The following BEND6 variants were observed in gnomAD, a reference collection of about 807,000 sequenced individuals.
BEND6 encodes the protein BEN domain containing 6, also known as BEN domain-containing protein 6.
A neutral mutation model predicts 31.8 loss-of-function variants in BEND6; 24 were observed. The ratio of observed to expected loss-of-function variants is 0.75; its 90% CI spans 0.55 to 1.06. BEND6 has a LOEUF of 1.06. Among genes scored for constraint, BEND6 ranks in the 50% least tolerant of loss-of-function variants. The probability of loss-of-function intolerance (pLI) is 0.00; values close to 1 mark genes in which losing one functional copy is unlikely to be tolerated. For synonymous variants in BEND6, 109 were observed against 114.6 expected (o/e 0.95, Z 0.31); for missense variants, 294 against 327.4 (o/e 0.90, Z 0.79).
intron 1 of BEND6, among the ~76,000 whole-genome samples, chr6:56,969,360 A>G (rs1825607874): frequency 2.0e-5 from 3 of 152,184 alleles, no homozygotes; most frequent in Non-Finnish European, 2.9e-5. Flanking sequence ...CTATCTTGCT[A>G]TGCAGCTGGA....
intron 1 of BEND6, among the ~76,000 whole-genome samples, chr6:56,976,699 G>A (rs369504218): frequency 6.6e-6 from 1 of 152,094 alleles, no homozygotes; most frequent in East Asian, 1.9e-4. Context: ...TGAGTAGCTG[G>A]GATTACAGGT....
At chr6:56,986,271 A>G (rs1455655701) in intron 2 of BEND6, among the ~76,000 whole-genome samples, 3 of 152,060 alleles carry the variant, frequency 2.0e-5, no homozygotes, top group Non-Finnish European at 4.4e-5. Flanking sequence ...ATATCTGTAC[A>G]TTTATAAAAT....
chr6:57,007,370 G>A (rs995080732), intron 3 of BEND6, among the ~76,000 whole-genome samples: 2 of 150,874 alleles, frequency 1.3e-5, no homozygotes, highest in Non-Finnish European at 2.9e-5. Flanking sequence ...CTCGTCCTAT[G>A]CAAAAATCAA....
At chr6:56,986,330 C>T (rs1826271501) in intron 2 of BEND6, among the ~76,000 whole-genome samples, 2 of 152,108 alleles carry the variant, frequency 1.3e-5, no homozygotes, top group East Asian at 1.9e-4. Flanking sequence ...CCCAGCTACT[C>T]GGGAGGCTAA....
chr6:56,992,708 T>A (rs760345067), intron 3 of BEND6, among the ~76,000 whole-genome samples, 153 bp downstream of exon 3: 5 of 152,198 alleles, frequency 3.3e-5, no homozygotes, highest in African/African-American at 4.8e-5. Context: ...GATTATATAA[T>A]TTAAATACAA....
chr6:57,019,481 T>G (rs1827670274), intron 6 of BEND6, among the ~76,000 whole-genome samples: 1 of 152,204 alleles, frequency 6.6e-6, no homozygotes, highest in African/African-American at 2.4e-5. Flanking sequence ...TTGCCTGTCT[T>G]CTGCCTAATA....
intron 1 of BEND6, among the ~76,000 whole-genome samples, chr6:56,957,100 A>G (rs904105623): frequency 6.6e-6 from 1 of 152,194 alleles, no homozygotes; most frequent in African/African-American, 2.4e-5. Flanking sequence ...CCCAAACGCT[A>G]TATTTTTTTA....
At chr6:57,003,034 C>T (rs924032984) in intron 3 of BEND6, among the ~76,000 whole-genome samples, 2 of 152,074 alleles carry the variant, frequency 1.3e-5, no homozygotes, top group East Asian at 1.9e-4. Context: ...TTACAACTGA[C>T]GCCACAGAAA....
intron 3 of BEND6, among the ~76,000 whole-genome samples, chr6:56,997,932 C>G (rs958712257): frequency 2.6e-5 from 4 of 151,642 alleles, no homozygotes; most frequent in African/African-American, 9.7e-5. Context: ...ACTCAATGAA[C>G]AAAACAAAGA....
intron 1 of BEND6, among the ~76,000 whole-genome samples, chr6:56,961,604 C>A (rs945308145): frequency 1.3e-5 from 2 of 152,144 alleles, no homozygotes. Flanking sequence ...ATGGATAAGC[C>A]CATTCCAAGC....
intron 1 of BEND6, among the ~76,000 whole-genome samples, chr6:56,959,098 ATAAT>A (rs1423030393): frequency 6.6e-6 from 1 of 152,200 alleles, no homozygotes; most frequent in African/African-American, 2.4e-5. Flanking sequence ...AGGGAGAGAA[ATAAT>A]TAAAGAGAAG....
intron 1 of BEND6, among the ~76,000 whole-genome samples, chr6:56,963,856 G>GT (rs1220662672): frequency 6.8e-6 from 1 of 146,730 alleles, no homozygotes; most frequent in East Asian, 2.0e-4. Flanking sequence ...TACAATACTA[G>GT]TAGTGGTATA....
intron 1 of BEND6, among the ~76,000 whole-genome samples, chr6:56,975,082 A>AT (rs1403216187): frequency 6.6e-6 from 1 of 152,164 alleles, no homozygotes; most frequent in Non-Finnish European, 1.5e-5. Context: ...GAGCCATTGC[A>AT]TTCCAGCCTG....
intron 3 of BEND6, among the ~76,000 whole-genome samples, chr6:56,997,128 C>G (rs929991856): frequency 6.6e-6 from 1 of 152,196 alleles, no homozygotes; most frequent in African/African-American, 2.4e-5. Flanking sequence ...TCCAGACACA[C>G]TGGACCACTT....
In BEND6 at chr6:56,955,190, C is replaced by G. The variant is rs1002935880; in HGVS notation, c.-371C>G. 6.6e-6 allele frequency: 1 copy of G among 151,414 alleles called. No individual in the cohort carries two copies. The highest frequency in any genetic ancestry group is 1.5e-5 in the Non-Finnish European group (1 of 67,786). 9.4% of individuals were successfully genotyped at this position (151,414 alleles called of 1,614,324 possible). On this transcript the variant is annotated 5_prime_UTR_variant, in exon 1 of 7. Transcript: ENST00000370746. The stretch of plus-strand genomic sequence containing the variant: ...CGGCGTCCGCGGGCTGCACCCGGGC[C>G]TGAGAGCCCAGCGCCCTCCCGCGGG...
intron 1 of BEND6, among the ~76,000 whole-genome samples, chr6:56,963,796 ATAAAT>A (rs911706335): frequency 2.0e-5 from 3 of 147,962 alleles, no homozygotes; most frequent in Non-Finnish European, 4.5e-5. Context: ...ATTACTATTA[ATAAAT>A]TAATATAATT....
chr6:56,989,476 G>C (rs1461051538), intron 2 of BEND6, among the ~76,000 whole-genome samples: 1 of 152,114 alleles, frequency 6.6e-6, no homozygotes, highest in African/African-American at 2.4e-5. Flanking sequence ...TATAGACCTA[G>C]AAATCAATTG....
At chr6:56,978,954 C>T (rs1232184087) in intron 1 of BEND6, among the ~76,000 whole-genome samples, 3 of 152,196 alleles carry the variant, frequency 2.0e-5, no homozygotes, top group Non-Finnish European at 4.4e-5. Context: ...ATTTTAACAA[C>T]AACTAATTGA....
Position 56,981,707 on chromosome 6 carries a change from T to C in BEND6, c.-100-4T>C. On this transcript the variant is annotated splice_polypyrimidine_tract_variant and splice_region_variant and intron_variant, in intron 1 of 6. Transcript: ENST00000370746. The stretch of plus-strand genomic sequence containing the variant: ...TGTGTCATGTTTTTGTTTTTGTTTT[T>C]AAGGGAAAGCATTAACTTTTGAGCT... 7.3e-7 allele frequency: 1 copy of C among 1,375,752 alleles called. No individual in the cohort carries two copies. The highest frequency in any genetic ancestry group is 1.0e-6 in the Non-Finnish European group (1 of 1,004,408). The allele number at this position is 1,375,752 out of a possible 1,614,324, so 85.2% of individuals were successfully genotyped here.
Sources: gnomAD v4.1 joint callset for allele counts (sites outside exome capture counted in the v4.1 genomes callset) on GRCh38, gnomAD v4.1.1 for gene constraint, MANE v1.5 for transcripts, NCBI Gene and HGNC (gene_info 2026-07-23, HGNC 2026-07-21) for gene names.